The following FANCC variants were observed in gnomAD, a reference collection of about 807,000 sequenced individuals.
FANCC encodes the protein FA complementation group C, also known as Fanconi anemia group C protein.
Under a neutral mutation model 71.3 loss-of-function variants are expected in FANCC, and 55 were observed. The observed-to-expected ratio is 0.77, with a 90% CI of 0.62 to 0.97. FANCC has a LOEUF of 0.97. Ranked by LOEUF, FANCC falls within the 50% of genes least tolerant of loss-of-function variation. The pLI is 0.00. For missense variants in FANCC, 678 were observed against 670.9 expected (o/e 1.01, Z -0.12); for synonymous variants, 275 against 244.9 (o/e 1.12, Z -1.15).
Position 95,100,088 on chromosome 9 carries a change from A to G in FANCC, c.*1619T>C. The G allele has an allele frequency of 4.3e-6, 1 of 232,438 alleles. No homozygotes were observed. Among genetic ancestry groups the G allele is most frequent in the South Asian group, 1.8e-4 (1 of 5,518 alleles). The allele number at this position is 232,438 out of a possible 1,614,324, so 14.4% of individuals were successfully genotyped here. On this transcript the variant is annotated 3_prime_UTR_variant, in exon 15 of 15. Transcript: ENST00000289081. Reference sequence around the variant, plus strand: ...CAGCCACAAGTTCTGGCTTAAAGTCAGAACAGGAGAGAGGCCCTCAACTCC... The same window carrying G: ...CAGCCACAAGTTCTGGCTTAAAGTCGGAACAGGAGAGAGGCCCTCAACTCC...
chr9:95,184,905 C>G lies in FANCC; in HGVS notation c.346-12758G>C, dbSNP rs146639465. ...CCTAAAGGTACCAAGTACAGTAAAG[C>G]TAATCAGATACTTCACACTATCCTA... On this transcript the variant is annotated intron_variant, in intron 4 of 14. Coordinates refer to ENST00000289081, the MANE Select transcript of FANCC (RefSeq NM_000136.3). Among the ~76,000 whole-genome samples the G allele has an allele frequency of 3.5e-3, 539 of 152,340 alleles. 2 individuals are homozygous for G. The highest frequency in any genetic ancestry group is 0.012 in the African/African-American group (518 of 41,580).
chr9:95,156,030 A>G (rs1830448729), intron 6 of FANCC, among the ~76,000 whole-genome samples: 1 of 152,028 alleles, frequency 6.6e-6, no homozygotes, highest in Non-Finnish European at 1.5e-5. Context: ...CAAGGCTGAA[A>G]CAACTTTTAT....
chr9:95,193,272 A>G (rs1827221910), intron 4 of FANCC, among the ~76,000 whole-genome samples: 1 of 152,208 alleles, frequency 6.6e-6, no homozygotes, highest in African/African-American at 2.4e-5. Flanking sequence ...AAGGTAAGAA[A>G]AGAGCATGCA....
At chr9:95,123,293 G>A (rs982136403) in intron 10 of FANCC, 20 of 294,206 alleles carry the variant, frequency 6.8e-5, no homozygotes, top group Non-Finnish European at 1.2e-4. Context: ...GGCAGAGTAA[G>A]AGCCTGTCTC....
chr9:95,229,376 A>C (rs1053885228), intron 4 of FANCC, among the ~76,000 whole-genome samples: 16 of 150,726 alleles, frequency 1.1e-4, no homozygotes, highest in African/African-American at 3.9e-4. Context: ...GTTCCTGGAG[A>C]GGGCAACAGT....
intron 4 of FANCC, among the ~76,000 whole-genome samples, chr9:95,198,689 C>A (rs530054865): frequency 1.2e-4 from 19 of 152,222 alleles, no homozygotes; most frequent in Middle Eastern, 3.4e-3. Context: ...TCATAAGACC[C>A]AAGTATTTAC....
intron 14 of FANCC, among the ~76,000 whole-genome samples, chr9:95,104,954 C>A (rs1162396343): frequency 1.3e-5 from 2 of 152,212 alleles, no homozygotes; most frequent in Non-Finnish European, 2.9e-5. Context: ...TTGTCTCTCG[C>A]GTCTGGCTTA....
intron 1 of FANCC, among the ~76,000 whole-genome samples, chr9:95,264,504 T>C (rs1832265967): frequency 1.3e-5 from 2 of 152,296 alleles, no homozygotes; most frequent in South Asian, 4.1e-4. Context: ...CTAAGAATGC[T>C]TTCCTTTGGT....
rs1020133869 is a variant in FANCC at position 95,172,138 on chromosome 9, A to T, written c.355T>A (p.Ser119Thr). The change falls in exon 5 of 15, where the codon TCT becomes ACT. Residue 119 changes from serine (S) to threonine (T), a missense_variant. Transcript: ENST00000289081. ...AATCTGAGTGCTGAAAGTATATGAG[A>T]TAATACACCCTAAAAAACATAAACA... ...KLNSWIQGVLSHILSALRFDK... is the reference protein window; with the variant it reads ...KLNSWIQGVLTHILSALRFDK... The T allele has an allele frequency of 6.2e-7, 1 of 1,605,262 alleles. No individual in the cohort carries two copies. Among genetic ancestry groups the T allele is most frequent in the Non-Finnish European group, 8.5e-7 (1 of 1,172,648 alleles).
At chr9:95,117,442 G>C (rs1277351766) in intron 10 of FANCC, 52 bp from the exon 11 acceptor site, 1 of 1,502,690 alleles carries the variant, frequency 6.7e-7, no homozygotes, top group Non-Finnish European at 9.2e-7. Context: ...TTGAAACGGG[G>C]TCAGGAAAAT....
At position 95,135,479 on chromosome 9, in the gene FANCC, G is replaced by A. The variant is rs730881715; in HGVS notation, c.710C>T (p.Ser237Leu). ...ILLKKISLPM[S>L]AVVCLWLRHL... ...CCGAAGCCAGAGGCAGACTACAGCT[G>A]ACATGGGGAGAGAAATCTTCTTCCT... Residue 237 changes from serine to leucine, a missense_variant, in exon 8 of 15, where the codon TCA (serine) becomes TTA (leucine). Coordinates refer to ENST00000289081, the MANE Select transcript of FANCC (RefSeq NM_000136.3). The A allele has an allele frequency of 6.2e-7, 1 of 1,614,018 alleles. No homozygotes were observed. The highest frequency in any genetic ancestry group is 8.5e-7 in the Non-Finnish European group (1 of 1,179,998).
intron 7 of FANCC, 92 bp downstream of exon 7, chr9:95,149,831 G>A (rs1830040408): frequency 1.4e-6 from 2 of 1,405,526 alleles, no homozygotes; most frequent in Admixed American, 2.0e-5. Context: ...AAAAACGTTT[G>A]GACACTGCTG....
intron 1 of FANCC, chr9:95,293,638 C>A: frequency 1.2e-6 from 2 of 1,614,226 alleles, no homozygotes; most frequent in Non-Finnish European, 8.5e-7. Context: ...TGGGCCACCG[C>A]TGATTCCTCT....
chr9:95,123,391 G>C, intron 10 of FANCC: 1 of 440,210 alleles, frequency 2.3e-6, no homozygotes, highest in Non-Finnish European at 4.5e-6. Context: ...TGTAACCCCA[G>C]CACTTTGGGA....
intron 1 of FANCC, among the ~76,000 whole-genome samples, chr9:95,272,093 C>T (rs371048013): frequency 1.2e-4 from 18 of 151,602 alleles, no homozygotes; most frequent in African/African-American, 3.6e-4. Context: ...CCCGCCACCA[C>T]GCCTGGCTAA....
At chr9:95,306,156 A>G (rs1467438421) in intron 1 of FANCC, among the ~76,000 whole-genome samples, 4 of 152,256 alleles carry the variant, frequency 2.6e-5, no homozygotes, top group Non-Finnish European at 4.4e-5. Flanking sequence ...ATTGTACAAT[A>G]AATGCATCAA....
chr9:95,194,546 G>A (rs1827298283), intron 4 of FANCC, among the ~76,000 whole-genome samples: 1 of 152,148 alleles, frequency 6.6e-6, no homozygotes, highest in South Asian at 2.1e-4. Context: ...CCATTTGATA[G>A]GTGCGTAGTG....
chr9:95,111,489 C>CA lies in FANCC; in HGVS notation c.1302dup (p.Gly435TrpfsTer83), dbSNP rs730881709. 42 of 1,613,728 alleles carry CA rather than the reference C, an allele frequency of 2.6e-5. No individual in the cohort carries two copies. The highest frequency in any genetic ancestry group is 3.5e-5 in the Non-Finnish European group (41 of 1,180,026). ...ATAGTCTGTGCTCTCTGCTGCCTCC[C>CA]ATCACGGGGGCCGTAGTAGAAGGCC... is the stretch of plus-strand genomic sequence containing the variant. On this transcript the variant is annotated frameshift_variant, in exon 13 of 15. Coordinates refer to ENST00000289081, the MANE Select transcript of FANCC (RefSeq NM_000136.3). LOFTEE classifies it high-confidence loss of function.
intron 14 of FANCC, among the ~76,000 whole-genome samples, chr9:95,105,153 T>C (rs560224244): frequency 3.3e-4 from 50 of 152,346 alleles, no homozygotes; most frequent in African/African-American, 1.1e-3. Flanking sequence ...TCGTCTTAGC[T>C]GAGACACCAG....
Sources: allele counts gnomAD v4.1 joint callset (sites outside exome capture counted in the v4.1 genomes callset), GRCh38; gene constraint gnomAD v4.1.1; transcripts MANE v1.5; gene names NCBI Gene and HGNC (gene_info 2026-07-23, HGNC 2026-07-21).